Variants in HIP1R observed in about 807,000 individuals in gnomAD.
HIP1R encodes the protein huntingtin interacting protein 1 related.
A neutral mutation model predicts 144.2 loss-of-function variants in HIP1R; 135 were observed. That is an observed-to-expected ratio of 0.94 (90% confidence interval 0.81 to 1.08). The LOEUF (loss-of-function observed/expected upper bound fraction) is 1.08, where lower values mean the gene tolerates loss of function less well. HIP1R is among the 50% of genes least tolerant of loss of function. HIP1R has a pLI of 0.00. For missense variants in HIP1R, 1,462 were observed against 1,432.8 expected (o/e 1.02, Z -0.33); for synonymous variants, 698 against 612.8 (o/e 1.14, Z -2.05).
chr12:122,851,717 C>T (rs1314154082), intron 7 of HIP1R, among the ~76,000 whole-genome samples: 1 of 151,854 alleles, frequency 6.6e-6, no homozygotes, highest in Non-Finnish European at 1.5e-5. Flanking sequence ...ATGCCCCTGC[C>T]CCTCCTGGGG....
In HIP1R at chr12:122,835,510, C is replaced by G; in HGVS notation, c.-41C>G. 7.7e-7 allele frequency: 1 copy of G among 1,293,988 alleles called. No individual in the cohort carries two copies. Among genetic ancestry groups the G allele is most frequent in the East Asian group, 3.5e-5 (1 of 28,314 alleles). 80.2% of individuals were successfully genotyped at this position (1,293,988 alleles called of 1,614,324 possible). A position where few individuals can be genotyped will look rare whatever the true frequency, so the allele number is the denominator to read the frequency against. ...GCTGCCGGACCGTGAGGCTGTGAGT[C>G]GCGCGGACGGAGCCGGACAAAAGCG... On this transcript the variant is annotated 5_prime_UTR_variant, in exon 1 of 32. Transcript: ENST00000253083.
Position 122,849,967 on chromosome 12 carries a change from G to A in HIP1R, c.438+12G>A, listed in dbSNP as rs1406353939. On this transcript the variant is annotated intron_variant, in intron 5 of 31. Coordinates refer to ENST00000253083, the MANE Select transcript of HIP1R (RefSeq NM_003959.3). ...CCTTCCACCTCAAGGTGGTTTCCTC[G>A]GGGGAGTCATGGGGCTGAGGGACCC... 8.7e-6 allele frequency: 14 copies of A among 1,603,874 alleles called. No individual in the cohort carries two copies. Among genetic ancestry groups the A allele is most frequent in the South Asian group, 1.1e-5 (1 of 90,914 alleles).
At chr12:122,841,975 G>C (rs1466050356) in intron 1 of HIP1R, among the ~76,000 whole-genome samples, 1 of 152,196 alleles carries the variant, frequency 6.6e-6, no homozygotes, top group African/African-American at 2.4e-5. Context: ...GGAGATACAG[G>C]TTAAATGGAG....
rs1297265048 is a variant in HIP1R, at chr12:122,855,978, A to G, written c.1129-2A>G. The G allele has an allele frequency of 6.3e-7, 1 of 1,584,040 alleles. No individual in the cohort carries two copies. The highest frequency in any genetic ancestry group is 8.6e-7 in the Non-Finnish European group (1 of 1,165,690). ...GGCCCCACGTCACACCTCCTCCCGC[A>G]GGCCCAGCGGTACATCGCGCAGCTG... On this transcript the variant is annotated splice_acceptor_variant, in intron 13 of 31. Transcript: ENST00000253083. LOFTEE classifies it high-confidence loss of function.
At chr12:122,835,314 AG>A, upstream of HIP1R, 1 of 511,908 alleles carries the variant, frequency 2.0e-6, no homozygotes, top group Non-Finnish European at 2.3e-6. Context: ...GTGCGGGTGG[AG>A]GGGCGCGCCC....
Position 122,858,107 on chromosome 12 carries a change from T to G in HIP1R, c.1821T>G (p.Ser607=), listed in dbSNP as rs764723832. 2 of 1,581,150 alleles carry G rather than the reference T, an allele frequency of 1.3e-6. No homozygotes were observed. Among genetic ancestry groups the G allele is most frequent in the South Asian group, 1.1e-5 (1 of 88,852 alleles). The change falls in exon 19 of 32, where the codon TCT becomes TCG. Residue 607 remains serine (S), a synonymous_variant. Transcript: ENST00000253083. ...CTCTTCACCCCCATTGCCAGGAGTC[T>G]CAGGAGCAGGGGCTGCGGCAGAGGC... The part of the protein sequence containing the change: ...ELQGRLAERE[S]QEQGLRQRLL...
chr12:122,860,495 G>A lies in HIP1R; in HGVS notation c.2632G>A (p.Ala878Thr), dbSNP rs763950911. Residue 878 changes from alanine (A) to threonine (T), a missense_variant, in exon 27 of 32, where the codon GCT becomes ACT. This residue lies in a region of HIP1R where 1,112 missense variants were observed against 1,011.7 expected (regional missense o/e 1.10). Coordinates refer to ENST00000253083, the MANE Select transcript of HIP1R (RefSeq NM_003959.3). ...WTEGLISASK[A>T]VGWGATQLVE... ...CGAAGGCCTCATCTCGGCCTCCAAGGCTGTGGGCTGGGGAGCCACACAGCT... is the reference window on the plus strand; with the variant it reads ...CGAAGGCCTCATCTCGGCCTCCAAGACTGTGGGCTGGGGAGCCACACAGCT... 2 of 1,613,062 alleles carry A rather than the reference G, an allele frequency of 1.2e-6. No homozygotes were observed. The highest frequency in any genetic ancestry group is 1.3e-5 in the African/African-American group (1 of 74,926).
In HIP1R at chr12:122,856,162, G is replaced by C. The variant is rs551179162; in HGVS notation, c.1311G>C (p.Glu437Asp). ...ERSQGLREEA[E>D]RKASATEARY... ...GCCAGGGCCTGCGTGAGGAGGCTGAGAGTACGTGGGGCCTTGGCCACAGGG... is the reference window on the plus strand; with the variant it reads ...GCCAGGGCCTGCGTGAGGAGGCTGACAGTACGTGGGGCCTTGGCCACAGGG... Residue 437 changes from glutamate to aspartate, a missense_variant and splice_region_variant, in exon 14 of 32, where the codon GAG becomes GAC. Transcript: ENST00000253083. 6.2e-7 allele frequency: 1 copy of C among 1,604,834 alleles called. No homozygotes were observed. Among genetic ancestry groups the C allele is most frequent in the Admixed American group, 1.7e-5 (1 of 58,406 alleles).
chr12:122,856,346 T>G lies in HIP1R; in HGVS notation c.1401+2T>G. 6.2e-7 allele frequency: 1 copy of G among 1,613,512 alleles called. No homozygotes were observed. The highest frequency in any genetic ancestry group is 8.5e-7 in the Non-Finnish European group (1 of 1,179,874). On this transcript the variant is annotated splice_donor_variant, in intron 15 of 31. Coordinates refer to ENST00000253083, the MANE Select transcript of HIP1R (RefSeq NM_003959.3). LOFTEE classifies it high-confidence loss of function. ...GTGCACGCGGAGCTGCTCAGAAAGG[T>G]AGGTGCAGCCCATCCTCCATCCCAG...
At chr12:122,859,749 C>T (rs768163324) in intron 23 of HIP1R, 23 bp from the exon 24 acceptor site, 5 of 1,610,348 alleles carry the variant, frequency 3.1e-6, no homozygotes, top group South Asian at 1.1e-5. Context: ...CCAGCCAGCT[C>T]ACGGCTCTGT....
chr12:122,858,210 C>G lies in HIP1R; in HGVS notation c.1924C>G (p.Leu642Val). The G allele has an allele frequency of 6.2e-7, 1 of 1,607,676 alleles. No homozygotes were observed. Residue 642 changes from leucine to valine, a missense_variant, in exon 19 of 32, where the codon CTG (leucine) becomes GTG (valine). Physicochemically the swap from Leu to Val is conservative, Grantham distance 32. Coordinates refer to ENST00000253083, the MANE Select transcript of HIP1R (RefSeq NM_003959.3). Reference sequence around the variant, plus strand: ...CATCCTGCAGGATGCCGTGAGCAAGCTGGACGACCCCCTGCACCTGCGCTG... The same window carrying G: ...CATCCTGCAGGATGCCGTGAGCAAGGTGGACGACCCCCTGCACCTGCGCTG... ...AGILQDAVSK[L>V]DDPLHLRCTS...
chr12:122,841,594 GT>G (rs1264231943), intron 1 of HIP1R, among the ~76,000 whole-genome samples: 4 of 152,200 alleles, frequency 2.6e-5, no homozygotes, highest in Admixed American at 2.6e-4. Context: ...GGGCGAGATT[GT>G]TTTTTCTCTG....
chr12:122,835,542 G>C lies in HIP1R; in HGVS notation c.-9G>C. 1.5e-6 allele frequency: 2 copies of C among 1,339,256 alleles called. No homozygotes were observed. The highest frequency in any genetic ancestry group is 1.9e-6 in the Non-Finnish European group (2 of 1,037,628). 83.0% of individuals were successfully genotyped at this position (1,339,256 alleles called of 1,614,324 possible). A position where few individuals can be genotyped will look rare whatever the true frequency, so the allele number is the denominator to read the frequency against. On this transcript the variant is annotated 5_prime_UTR_variant, in exon 1 of 32. Transcript: ENST00000253083. ...ACGGAGCCGGACAAAAGCGGGCGGC[G>C]GCGGCAGGATGAACAGCATCAAGAA...
chr12:122,857,207 G>A lies in HIP1R; in HGVS notation c.1807G>A (p.Ala603Thr). 1 of 1,550,392 alleles carries A rather than the reference G, an allele frequency of 6.4e-7. No homozygotes were observed. Among genetic ancestry groups the A allele is most frequent in the Non-Finnish European group, 8.7e-7 (1 of 1,146,812 alleles). Residue 603 changes from alanine to threonine, a missense_variant, in exon 18 of 32, where the codon GCA becomes ACA. Ala to Thr is a moderately conservative substitution (Grantham distance 58, BLOSUM62 0). Around this residue, in one of 2 missense-constraint regions of HIP1R, gnomAD observed 1,112 missense variants for 1,011.7 expected, o/e 1.10. Coordinates refer to ENST00000253083, the MANE Select transcript of HIP1R (RefSeq NM_003959.3). ...QEQGELQGRL[A>T]ERESQEQGLR... is the part of the protein sequence containing the mutation. Reference sequence around the variant, plus strand: ...GCAGGGCGAGTTGCAGGGCCGGCTGGCAGAGAGGGTATGGCCTCCCCAGAT... The same window carrying A: ...GCAGGGCGAGTTGCAGGGCCGGCTGACAGAGAGGGTATGGCCTCCCCAGAT...
Position 122,851,207 on chromosome 12 carries a change from T to C in HIP1R, c.516-29T>C, listed in dbSNP as rs773296809. Reference sequence around the variant, plus strand: ...AGTGGGTGGGTCCACCCACCCTTTTTCATTTCTTCCCCCACTTCTCTTGCG... The same window carrying C: ...AGTGGGTGGGTCCACCCACCCTTTTCCATTTCTTCCCCCACTTCTCTTGCG... On this transcript the variant is annotated intron_variant, in intron 6 of 31. Coordinates refer to ENST00000253083, the MANE Select transcript of HIP1R (RefSeq NM_003959.3). 3.4e-6 allele frequency: 5 copies of C among 1,486,346 alleles called. No individual in the cohort carries two copies. The South Asian group carries it at 7.0e-5, about 21-fold the overall frequency. The allele number at this position is 1,486,346 out of a possible 1,614,324, so 92.1% of individuals were successfully genotyped here.
In HIP1R at chr12:122,848,463, C is replaced by T; in HGVS notation, c.158-3C>T. 6.2e-7 allele frequency: 1 copy of T among 1,609,008 alleles called. No individual in the cohort carries two copies. The highest frequency in any genetic ancestry group is 8.5e-7 in the Non-Finnish European group (1 of 1,177,458). On this transcript the variant is annotated splice_polypyrimidine_tract_variant and splice_region_variant and intron_variant, in intron 2 of 31. Coordinates refer to ENST00000253083, the MANE Select transcript of HIP1R (RefSeq NM_003959.3). Reference sequence around the variant, plus strand: ...GCTTCCACACTTGGCCTTGACATTGCAGGCATCATTCTGGGCACACACCAC... The same window carrying T: ...GCTTCCACACTTGGCCTTGACATTGTAGGCATCATTCTGGGCACACACCAC...
chr12:122,850,730 GCCCTGGTT>G, intron 5 of HIP1R, 97 bp from the exon 6 acceptor site: 1 of 478,068 alleles, frequency 2.1e-6, no homozygotes, highest in African/African-American at 3.2e-5. Flanking sequence ...GGTGTGGGGG[GCCCTGGTT>G]CAGTGGCCGC....
intron 27 of HIP1R, 60 bp downstream of exon 27, chr12:122,860,583 G>A: frequency 2.6e-6 from 4 of 1,566,016 alleles, no homozygotes; most frequent in Non-Finnish European, 3.5e-6. Flanking sequence ...GAGCAGTTTG[G>A]GGTTCAACAG....
Position 122,840,053 on chromosome 12 carries a change from G to A in HIP1R, c.93+4410G>A, listed in dbSNP as rs936998933. Among the ~76,000 whole-genome samples the A allele has an allele frequency of 1.2e-4, 18 of 152,370 alleles. No individual in the cohort carries two copies. The highest frequency in any genetic ancestry group is 1.5e-4 in the Non-Finnish European group (10 of 68,020). On this transcript the variant is annotated intron_variant, in intron 1 of 31. Transcript: ENST00000253083. This position sits in a 1 kb window ranked among gnomAD's most constrained non-coding sequence, Gnocchi z 4.2. ...GGCATGCGCACTGCTGTCTCGCCCCGTGACATCCTCTGCTCGGTTCCACCC... is the reference window on the plus strand; with the variant it reads ...GGCATGCGCACTGCTGTCTCGCCCCATGACATCCTCTGCTCGGTTCCACCC...
Sources: gnomAD v4.1 joint callset for allele counts (sites outside exome capture counted in the v4.1 genomes callset) on GRCh38, gnomAD v4.1.1 for gene constraint, gnomAD v4.1.1 regional missense constraint, Gnocchi (gnomAD v3.1) non-coding constraint, MANE v1.5 for transcripts, NCBI Gene and HGNC (gene_info 2026-07-23, HGNC 2026-07-21) for gene names.